WIPF1: variants seen among roughly 807,000 people sequenced by gnomAD.
The protein encoded by WIPF1 is WAS/WASL-interacting protein family member 1.
In WIPF1, 13 loss-of-function variants were observed where a neutral mutation model predicts 35.4. The ratio of observed to expected loss-of-function variants is 0.37; its 90% CI spans 0.24 to 0.58. WIPF1 has a LOEUF of 0.58. Among genes scored for constraint, WIPF1 ranks in the 20% least tolerant of loss-of-function variants. WIPF1 has a pLI of 0.74. For synonymous variants in WIPF1, 267 were observed against 266.3 expected (o/e 1.00, Z -0.02); for missense variants, 591 against 667.0 (o/e 0.89, Z 1.25).
intron 7 of WIPF1, among the ~76,000 whole-genome samples, chr2:174,564,815 G>GCA (rs10587549): frequency 0.088 from 12,664 of 143,426 alleles, 998 homozygotes; most frequent in African/African-American, 0.22. Flanking sequence ...TTCTTCTGGT[G>GCA]CACACACACA....
intron 1 of WIPF1, among the ~76,000 whole-genome samples, chr2:174,606,157 C>CT (rs753048063): frequency 6.6e-6 from 1 of 152,078 alleles, no homozygotes; most frequent in Non-Finnish European, 1.5e-5. Flanking sequence ...AGAACAGACC[C>CT]TTTTTTCTAG....
At chr2:174,678,123 G>T (rs756670025) in intron 1 of WIPF1, among the ~76,000 whole-genome samples, 2 of 152,108 alleles carry the variant, frequency 1.3e-5, no homozygotes, top group Non-Finnish European at 2.9e-5. Flanking sequence ...AGGAAAGAAA[G>T]ATATTTTTAA....
intron 5 of WIPF1, among the ~76,000 whole-genome samples, chr2:174,569,512 A>G (rs1036191416): frequency 2.6e-5 from 4 of 152,134 alleles, no homozygotes; most frequent in Admixed American, 2.0e-4. Context: ...ACGTAACTTC[A>G]TCTCATTTTC....
At chr2:174,646,106 C>T (rs553272447) in intron 1 of WIPF1, among the ~76,000 whole-genome samples, 1 of 152,290 alleles carries the variant, frequency 6.6e-6, no homozygotes, top group African/African-American at 2.4e-5. Flanking sequence ...AATTCAACAG[C>T]ATGCGAAAAG....
At chr2:174,573,091 A>G (rs1324473333) in intron 4 of WIPF1, among the ~76,000 whole-genome samples, 1 of 152,214 alleles carries the variant, frequency 6.6e-6, no homozygotes, top group Non-Finnish European at 1.5e-5. Context: ...TTCATCTACA[A>G]AGAAGCAGGC....
intron 1 of WIPF1, among the ~76,000 whole-genome samples, chr2:174,633,370 A>G (rs1687087143): frequency 1.3e-5 from 2 of 152,174 alleles, no homozygotes; most frequent in African/African-American, 2.4e-5. Flanking sequence ...GGCTAGAATG[A>G]AGACATGAAA....
intron 4 of WIPF1, among the ~76,000 whole-genome samples, chr2:174,573,674 G>A (rs183019626): frequency 6.0e-4 from 92 of 152,192 alleles, no homozygotes; most frequent in African/African-American, 2.1e-3. Flanking sequence ...CCCTGAGGTG[G>A]GAAAGAGCTT....
intron 7 of WIPF1, among the ~76,000 whole-genome samples, chr2:174,563,692 G>A (rs183867301): frequency 1.3e-5 from 2 of 152,326 alleles, no homozygotes; most frequent in Admixed American, 6.5e-5. Flanking sequence ...GATTTAACAG[G>A]TGTTTGGCAT....
chr2:174,575,811 C>T (rs1275285380), intron 3 of WIPF1, among the ~76,000 whole-genome samples: 1 of 152,158 alleles, frequency 6.6e-6, no homozygotes, highest in South Asian at 2.1e-4. Context: ...CACTGCACTC[C>T]AGCCTGGGTG....
chr2:174,606,406 A>G (rs887845333), intron 1 of WIPF1, among the ~76,000 whole-genome samples: 3 of 152,184 alleles, frequency 2.0e-5, no homozygotes, highest in African/African-American at 7.2e-5. Flanking sequence ...TTTTTTCACA[A>G]GAAGTCTTCA....
At chr2:174,582,434 T>C (rs745868422) in intron 2 of WIPF1, among the ~76,000 whole-genome samples, 22 of 152,234 alleles carry the variant, frequency 1.4e-4, no homozygotes, top group Non-Finnish European at 3.1e-4. Flanking sequence ...CCACAGGTCC[T>C]TTCTAGGCTG....
chr2:174,589,869 T>C (rs1281524854), intron 1 of WIPF1, among the ~76,000 whole-genome samples: 3 of 152,192 alleles, frequency 2.0e-5, no homozygotes, highest in Non-Finnish European at 4.4e-5. Flanking sequence ...TTTAATAAAT[T>C]AGTTTCCTTT....
intron 4 of WIPF1, chr2:174,574,829 C>G: frequency 2.8e-6 from 2 of 715,396 alleles, no homozygotes; most frequent in Non-Finnish European, 5.2e-6. Flanking sequence ...ATTTACTCTA[C>G]TAGACAGCTG....
chr2:174,639,408 C>T (rs1341465367), intron 1 of WIPF1, among the ~76,000 whole-genome samples: 1 of 152,158 alleles, frequency 6.6e-6, no homozygotes, highest in Admixed American at 6.5e-5. Context: ...CATGCATCAT[C>T]ACGCTTGGCT....
At position 174,590,720 on chromosome 2, in the gene WIPF1, T is replaced by A. The variant is rs1243333016; in HGVS notation, c.-38-5109A>T. On this transcript the variant is annotated intron_variant, in intron 1 of 7. Coordinates refer to ENST00000679041, the MANE Select transcript of WIPF1 (RefSeq NM_001375834.1). The surrounding 1 kb of genome is among the most constrained non-coding windows in gnomAD (Gnocchi z 4.6). The stretch of plus-strand genomic sequence containing the variant: ...ACATGCCTACCCACTTGCTGGGCCT[T>A]GCCCTCCTACCCCACCCCAACCCAA... Among the ~76,000 whole-genome samples the A allele has an allele frequency of 6.6e-6, 1 of 152,188 alleles. No homozygotes were observed. The highest frequency in any genetic ancestry group is 6.5e-5 in the Admixed American group (1 of 15,280).
intron 1 of WIPF1, among the ~76,000 whole-genome samples, chr2:174,604,148 G>A (rs773397286): frequency 3.3e-5 from 5 of 152,176 alleles, no homozygotes; most frequent in Non-Finnish European, 7.4e-5. Context: ...GAAGAGAAGT[G>A]TACAAATGCA....
chr2:174,623,637 T>G (rs1206686547), intron 1 of WIPF1: 3 of 152,184 alleles, frequency 2.0e-5, no homozygotes, highest in Admixed American at 6.5e-5. Flanking sequence ...TAGCTGAAAT[T>G]TTGCATTTCT....
intron 3 of WIPF1, among the ~76,000 whole-genome samples, chr2:174,580,827 T>G (rs960077914): frequency 3.3e-5 from 5 of 152,192 alleles, no homozygotes; most frequent in African/African-American, 4.8e-5. Context: ...AACAAAACAT[T>G]TTACAGGCAT....
In WIPF1 at chr2:174,562,148, G is replaced by A. The variant is rs752206927; in HGVS notation, c.*399C>T. 17 of 1,550,532 alleles carry A rather than the reference G, an allele frequency of 1.1e-5. No homozygotes were observed. In the South Asian group the frequency reaches 1.7e-4, roughly 15 times the overall value. The stretch of plus-strand genomic sequence containing the variant: ...GGTCTGTGGTTCATAGAAACAGAGA[G>A]GAGGCCAAGCATGCGAAAAAGGAAC... On this transcript the variant is annotated 3_prime_UTR_variant, in exon 8 of 8. Coordinates refer to ENST00000679041, the MANE Select transcript of WIPF1 (RefSeq NM_001375834.1).
Sources: allele counts gnomAD v4.1 joint callset (sites outside exome capture counted in the v4.1 genomes callset), GRCh38; gene constraint gnomAD v4.1.1; non-coding constraint Gnocchi (gnomAD v3.1); transcripts MANE v1.5; gene names NCBI Gene and HGNC (gene_info 2026-07-23, HGNC 2026-07-21).